Variants in NRG1 observed in about 807,000 individuals in gnomAD.
NRG1 encodes neuregulin 1, also known as pro-neuregulin-1, membrane-bound isoform.
In NRG1, 18 loss-of-function variants were observed where a neutral mutation model predicts 63.8. The ratio of observed to expected loss-of-function variants is 0.28; its 90% CI spans 0.19 to 0.42. The LOEUF is 0.42. Among genes scored for constraint, NRG1 ranks in the 10% least tolerant of loss-of-function variants. NRG1 has a pLI of 1.00. For synonymous variants in NRG1, 302 were observed against 301.3 expected (o/e 1.00, Z -0.02); for missense variants, 762 against 814.7 (o/e 0.94, Z 0.79).
At chr8:32,658,762 C>T (rs554408789) in intron 5 of NRG1, among the ~76,000 whole-genome samples, 1 of 152,252 alleles carries the variant, frequency 6.6e-6, no homozygotes, top group Admixed American at 6.5e-5. Context: ...ATTTTTTCTG[C>T]ACTTCTGATG....
intron 1 of NRG1, among the ~76,000 whole-genome samples, chr8:31,860,615 A>C (rs1563495893): frequency 6.6e-6 from 1 of 152,214 alleles, no homozygotes. Flanking sequence ...GATGACAATA[A>C]TAATATCTTC....
chr8:32,659,234 T>C (rs1802268411), intron 5 of NRG1, among the ~76,000 whole-genome samples: 2 of 148,624 alleles, frequency 1.3e-5, no homozygotes, highest in African/African-American at 4.9e-5. Context: ...AACCTCCACC[T>C]CCTGGGTTAA....
chr8:31,678,331 A>C (rs981673766), intron 1 of NRG1, among the ~76,000 whole-genome samples: 9 of 152,090 alleles, frequency 5.9e-5, no homozygotes, highest in Non-Finnish European at 2.9e-5. Context: ...ACACTCTGAG[A>C]TGTCCTGCAT....
chr8:31,673,537 T>A (rs1807372719), intron 1 of NRG1, among the ~76,000 whole-genome samples: 1 of 152,198 alleles, frequency 6.6e-6, no homozygotes, highest in Non-Finnish European at 1.5e-5. Flanking sequence ...GTACATTTAA[T>A]AAGTCATTGA....
At chr8:32,186,694 A>C (rs559501792) in intron 1 of NRG1, among the ~76,000 whole-genome samples, 13 of 152,258 alleles carry the variant, frequency 8.5e-5, no homozygotes, top group African/African-American at 3.1e-4. Context: ...CTGAATTAGA[A>C]TCTGTGTTTT....
At chr8:32,517,438 T>A (rs763829403) in intron 1 of NRG1, among the ~76,000 whole-genome samples, 3 of 152,084 alleles carry the variant, frequency 2.0e-5, no homozygotes, top group Non-Finnish European at 1.5e-5. Context: ...AGAAGAAGAT[T>A]TTGTATTAGG....
At chr8:32,540,742 C>T (rs571028498) in intron 1 of NRG1, among the ~76,000 whole-genome samples, 1 of 152,262 alleles carries the variant, frequency 6.6e-6, no homozygotes, top group East Asian at 1.9e-4. Context: ...ATCCTACATG[C>T]TGAATAAGAC....
chr8:31,960,000 T>C (rs1300981251), intron 1 of NRG1, among the ~76,000 whole-genome samples: 1 of 151,920 alleles, frequency 6.6e-6, no homozygotes, highest in Non-Finnish European at 1.5e-5. Flanking sequence ...CTGAGTTTTG[T>C]GAGAAGAGCA....
chr8:32,317,359 G>T (rs761424583), intron 1 of NRG1, among the ~76,000 whole-genome samples: 1 of 151,064 alleles, frequency 6.6e-6, no homozygotes, highest in Non-Finnish European at 1.5e-5. Context: ...CATGTGAATA[G>T]ATGGAGATCT....
chr8:32,144,060 G>A (rs183716974), intron 1 of NRG1, among the ~76,000 whole-genome samples: 17 of 152,326 alleles, frequency 1.1e-4, no homozygotes, highest in Non-Finnish European at 2.2e-4. Flanking sequence ...GAGTCCAGTT[G>A]GAGCCTGCTG....
intron 1 of NRG1, among the ~76,000 whole-genome samples, chr8:31,766,529 A>G (rs1818080344): frequency 6.6e-6 from 1 of 152,220 alleles, no homozygotes; most frequent in Non-Finnish European, 1.5e-5. Flanking sequence ...ACCCCTAGGA[A>G]ATGTCAGTAG....
chr8:32,743,270 A>AT (rs970451200), intron 7 of NRG1: 35 of 964,376 alleles, frequency 3.6e-5, no homozygotes, highest in South Asian at 9.6e-5. Context: ...GCATTGAGGC[A>AT]TTTTTTTAAA....
chr8:32,520,619 A>C (rs1451457469), intron 1 of NRG1, among the ~76,000 whole-genome samples: 1 of 152,248 alleles, frequency 6.6e-6, no homozygotes, highest in African/African-American at 2.4e-5. Flanking sequence ...TATGTTGTCT[A>C]AAGTCATATG....
chr8:32,630,559 C>T (rs1480566169), intron 5 of NRG1, among the ~76,000 whole-genome samples: 2 of 152,142 alleles, frequency 1.3e-5, no homozygotes, highest in African/African-American at 2.4e-5. Context: ...GCCTCAGCTA[C>T]TTCATGTTTG....
chr8:32,172,314 A>G (rs1019327416), intron 1 of NRG1, among the ~76,000 whole-genome samples: 4 of 152,246 alleles, frequency 2.6e-5, no homozygotes, highest in Admixed American at 2.6e-4. Context: ...ACTAACAAAC[A>G]GAAAGGACAT....
At chr8:32,085,564 G>A (rs1167026120) in intron 1 of NRG1, among the ~76,000 whole-genome samples, 3 of 152,260 alleles carry the variant, frequency 2.0e-5, no homozygotes, top group East Asian at 3.9e-4. Context: ...TATAAGAATA[G>A]TTTCCTATCT....
intron 1 of NRG1, among the ~76,000 whole-genome samples, chr8:32,261,745 A>G (rs1235429547): frequency 2.0e-5 from 3 of 152,178 alleles, no homozygotes; most frequent in Admixed American, 2.0e-4. Context: ...AGAAGCTAAA[A>G]CAGACATTCA....
chr8:31,943,923 G>A (rs1478410675), intron 1 of NRG1, among the ~76,000 whole-genome samples: 1 of 152,174 alleles, frequency 6.6e-6, no homozygotes, highest in East Asian at 1.9e-4. Context: ...ATTTTGTGAG[G>A]TGGCTGTTTA....
chr8:32,584,854 TATC>T (rs1373098227), intron 1 of NRG1, among the ~76,000 whole-genome samples: 1 of 152,232 alleles, frequency 6.6e-6, no homozygotes, highest in Non-Finnish European at 1.5e-5. Flanking sequence ...TTCACATAGT[TATC>T]ATTGTTTAAA....
Sources: allele counts gnomAD v4.1 joint callset (sites outside exome capture counted in the v4.1 genomes callset), GRCh38; gene constraint gnomAD v4.1.1; transcripts MANE v1.5; gene names NCBI Gene and HGNC (gene_info 2026-07-23, HGNC 2026-07-21).